Variants in SDK1 observed in about 807,000 individuals in gnomAD.
The protein encoded by SDK1 is protein sidekick-1.
A neutral mutation model predicts 245.5 loss-of-function variants in SDK1; 157 were observed. The ratio of observed to expected loss-of-function variants is 0.64; its 90% CI spans 0.56 to 0.73. The LOEUF (loss-of-function observed/expected upper bound fraction) is 0.73. SDK1 is among the 30% of genes least tolerant of loss of function. SDK1 has a pLI of 0.00. For synonymous variants in SDK1, 1,647 were observed against 1,278.5 expected (o/e 1.29, Z -6.15); for missense variants, 3,583 against 3,002.3 (o/e 1.19, Z -4.52).
chr7:4,050,258 C>T (rs1789350024), intron 18 of SDK1, among the ~76,000 whole-genome samples: 2 of 152,142 alleles, frequency 1.3e-5, no homozygotes, highest in Admixed American at 6.5e-5. Flanking sequence ...TTTTCTTTTC[C>T]CACAATTTGC....
At chr7:3,693,757 T>A (rs150448695) in intron 4 of SDK1, among the ~76,000 whole-genome samples, 1 of 152,232 alleles carries the variant, frequency 6.6e-6, no homozygotes, top group Admixed American at 6.5e-5. Flanking sequence ...TCTATTGTTA[T>A]AGCCTCTAGA....
chr7:3,641,188 C>T (rs1328633554), intron 3 of SDK1, among the ~76,000 whole-genome samples: 2 of 152,052 alleles, frequency 1.3e-5, no homozygotes, highest in African/African-American at 4.8e-5. Flanking sequence ...CTATTTCAAA[C>T]TTATTTATGT....
chr7:3,973,218 G>A (rs185332339), intron 12 of SDK1, among the ~76,000 whole-genome samples: 1 of 152,176 alleles, frequency 6.6e-6, no homozygotes, highest in African/African-American at 2.4e-5. Context: ...GGCGTGAGCA[G>A]TCTATCCATC....
At chr7:3,354,344 G>T (rs988995341) in intron 1 of SDK1, among the ~76,000 whole-genome samples, 1 of 151,860 alleles carries the variant, frequency 6.6e-6, no homozygotes, top group African/African-American at 2.4e-5. Context: ...AAAAAAACAG[G>T]GATATAAACC....
chr7:4,157,442 G>GAAGA (rs1170040791), intron 30 of SDK1, among the ~76,000 whole-genome samples: 2 of 60,930 alleles, frequency 3.3e-5, no homozygotes, highest in African/African-American at 6.5e-5. Context: ...AAGAGAAAAG[G>GAAGA]AGGGAAGGGA....
At chr7:3,402,155 C>G (rs950275415) in intron 1 of SDK1, among the ~76,000 whole-genome samples, 1 of 152,072 alleles carries the variant, frequency 6.6e-6, no homozygotes, top group African/African-American at 2.4e-5. Context: ...GCAAAAAGAA[C>G]TTGAGAAAGC....
At chr7:3,873,315 C>G (rs1016614757) in intron 5 of SDK1, among the ~76,000 whole-genome samples, 2 of 152,136 alleles carry the variant, frequency 1.3e-5, no homozygotes, top group African/African-American at 4.8e-5. Context: ...TATTTCTTAT[C>G]TTGCTCCTCT....
At chr7:3,864,669 G>C (rs1265753754) in intron 5 of SDK1, among the ~76,000 whole-genome samples, 1 of 152,118 alleles carries the variant, frequency 6.6e-6, no homozygotes, top group Non-Finnish European at 1.5e-5. Flanking sequence ...CTGGGGATGT[G>C]AGGGGCAGAG....
At chr7:3,473,476 C>T (rs1781246829) in intron 1 of SDK1, among the ~76,000 whole-genome samples, 1 of 152,140 alleles carries the variant, frequency 6.6e-6, no homozygotes, top group South Asian at 2.1e-4. Context: ...TTACAAAAGT[C>T]TAGGCTGGTT....
intron 1 of SDK1, among the ~76,000 whole-genome samples, chr7:3,566,512 A>C (rs1351106689): frequency 6.6e-6 from 1 of 152,122 alleles, no homozygotes; most frequent in African/African-American, 2.4e-5. Context: ...GGCGTGAGCC[A>C]CCACGCCCGG....
At chr7:4,027,948 A>G (rs1249441007) in intron 17 of SDK1, among the ~76,000 whole-genome samples, 3 of 151,860 alleles carry the variant, frequency 2.0e-5, no homozygotes, top group Admixed American at 6.6e-5. Context: ...AAAAGCAACA[A>G]GCAGGGGAAG....
At chr7:3,307,826 AAGG>A (rs1472034630) in intron 1 of SDK1, among the ~76,000 whole-genome samples, 4 of 151,658 alleles carry the variant, frequency 2.6e-5, no homozygotes, top group African/African-American at 9.7e-5. Context: ...TCACCTATAA[AAGG>A]AGGGATTAGA....
intron 25 of SDK1, among the ~76,000 whole-genome samples, chr7:4,115,191 G>C (rs1039833923): frequency 2.0e-5 from 3 of 152,220 alleles, no homozygotes; most frequent in African/African-American, 7.2e-5. Context: ...ATCTGAATTA[G>C]TGAGGTTCTG....
chr7:4,071,013 G>C (rs1261502021), intron 20 of SDK1, among the ~76,000 whole-genome samples: 1 of 151,426 alleles, frequency 6.6e-6, no homozygotes, highest in Non-Finnish European at 1.5e-5. Flanking sequence ...GGACTTTGTG[G>C]GGTTTTTAAT....
In SDK1 at chr7:3,540,953, C is replaced by A. The variant is rs969733424; in HGVS notation, c.299-78127C>A. On this transcript the variant is annotated intron_variant, in intron 1 of 44. Coordinates refer to ENST00000404826, the MANE Select transcript of SDK1 (RefSeq NM_152744.4). ...TTTGGGGGAAGTTATGACAGTAGAT[C>A]CTATTCCAGGAAGTTTTATTTTACT... is the stretch of plus-strand genomic sequence containing the variant. Among the ~76,000 whole-genome samples, 15 of 152,126 alleles carry A rather than the reference C, an allele frequency of 9.9e-5. 1 individual carries two copies. The highest frequency in any genetic ancestry group is 1.5e-4 in the Non-Finnish European group (10 of 68,032).
chr7:3,657,450 A>C (rs1783221564), intron 4 of SDK1, among the ~76,000 whole-genome samples: 1 of 152,164 alleles, frequency 6.6e-6, no homozygotes, highest in Non-Finnish European at 1.5e-5. Flanking sequence ...CTGGAAATTC[A>C]GGGTCCTACC....
chr7:3,754,800 G>A (rs1254901384), intron 4 of SDK1, among the ~76,000 whole-genome samples: 2 of 152,226 alleles, frequency 1.3e-5, no homozygotes, highest in South Asian at 4.1e-4. Context: ...AACAGCTAGT[G>A]TGGAAATAAT....
chr7:3,324,865 C>A (rs564758676), intron 1 of SDK1, among the ~76,000 whole-genome samples: 1 of 152,048 alleles, frequency 6.6e-6, no homozygotes, highest in African/African-American at 2.4e-5. Context: ...AAGTTTCTTA[C>A]GTTTGAAAGA....
At chr7:3,515,747 C>T (rs1689975853) in intron 1 of SDK1, among the ~76,000 whole-genome samples, 1 of 152,068 alleles carries the variant, frequency 6.6e-6, no homozygotes, top group Non-Finnish European at 1.5e-5. Flanking sequence ...TTTTTCAACT[C>T]GATTTTACTG....
Sources: allele counts gnomAD v4.1 joint callset (sites outside exome capture counted in the v4.1 genomes callset), GRCh38; gene constraint gnomAD v4.1.1; transcripts MANE v1.5; gene names NCBI Gene and HGNC (gene_info 2026-07-23, HGNC 2026-07-21).